SLC35F1: variants seen among roughly 807,000 people sequenced by gnomAD.
SLC35F1 encodes the protein solute carrier family 35 member F1.
Under a neutral mutation model 48.7 loss-of-function variants are expected in SLC35F1, and 14 were observed. The observed-to-expected ratio is 0.29, with a 90% CI of 0.19 to 0.45. The LOEUF is 0.45. Among genes scored for constraint, SLC35F1 ranks in the 20% least tolerant of loss-of-function variants. The pLI, the probability that SLC35F1 is intolerant of heterozygous loss-of-function variation, is 1.00. For missense variants in SLC35F1, 404 were observed against 500.0 expected, an observed-to-expected ratio of 0.81 and a Z score of 1.83; for synonymous variants, 190 against 202.2, an observed-to-expected ratio of 0.94 and a Z score of 0.51.
At position 117,964,370 on chromosome 6, in the gene SLC35F1, CA is replaced by C. The variant is rs1776534250; in HGVS notation, c.173+56473del. ...CAGTTTAAATTTTTACTCTCACATC[CA>C]ATTTAAAACTTCCTCTCTTCTCTAG... On this transcript the variant is annotated intron_variant, in intron 1 of 7. Transcript: ENST00000360388. 4.6e-5 allele frequency among the ~76,000 whole-genome samples: 7 copies of C among 152,204 alleles called. No individual in the cohort carries two copies. The South Asian group carries it at 1.4e-3, about 32-fold the overall frequency.
Position 118,209,371 on chromosome 6 carries a change from C to T in SLC35F1, c.350-26138C>T, listed in dbSNP as rs777056899. ...GGAAAGGTAGCACACCTTTCAGCAT[C>T]TACACTCTTCTTAAGTACTTGTTCT... On this transcript the variant is annotated intron_variant, in intron 2 of 7. Coordinates refer to ENST00000360388, the MANE Select transcript of SLC35F1 (RefSeq NM_001029858.4). Among the ~76,000 whole-genome samples, 12 of 152,348 alleles carry T rather than the reference C, an allele frequency of 7.9e-5. No homozygotes were observed. The South Asian group carries it at 1.2e-3, about 16-fold the overall frequency.
At chr6:118,059,819 G>C (rs62431218) in intron 1 of SLC35F1, among the ~76,000 whole-genome samples, 6,014 of 152,244 alleles carry the variant, frequency 0.04, 186 homozygotes, top group African/African-American at 0.08. Context: ...TTTGTAAACA[G>C]TCCTAATCAC....
intron 1 of SLC35F1, among the ~76,000 whole-genome samples, chr6:118,041,586 C>T (rs529684975): frequency 6.6e-6 from 1 of 152,176 alleles, no homozygotes; most frequent in South Asian, 2.1e-4. Context: ...CATCAAAATG[C>T]AATGTTTGGT....
chr6:117,921,101 C>G (rs1775893321), intron 1 of SLC35F1, among the ~76,000 whole-genome samples: 2 of 151,024 alleles, frequency 1.3e-5, no homozygotes, highest in African/African-American at 4.9e-5. Context: ...CTTACTTAGA[C>G]TGATAGGTAG....
At chr6:118,068,311 CCA>C (rs1248185121) in intron 1 of SLC35F1, among the ~76,000 whole-genome samples, 1 of 152,136 alleles carries the variant, frequency 6.6e-6, no homozygotes, top group Non-Finnish European at 1.5e-5. Context: ...CTAAAATTAA[CCA>C]CCACAAAGAA....
chr6:117,994,416 TATAACATAAC>T (rs1271584413), intron 1 of SLC35F1, among the ~76,000 whole-genome samples: 1 of 152,164 alleles, frequency 6.6e-6, no homozygotes, highest in East Asian at 1.9e-4. Context: ...CCTTTTGCCA[TATAACATAAC>T]ATATTCCAGG....
chr6:118,198,579 T>C (rs1774832580), intron 2 of SLC35F1, among the ~76,000 whole-genome samples: 1 of 152,244 alleles, frequency 6.6e-6, no homozygotes, highest in Admixed American at 6.5e-5. Flanking sequence ...GCATAATTTA[T>C]TTTAGAAAAA....
At chr6:118,223,327 A>G (rs1303581414) in intron 2 of SLC35F1, among the ~76,000 whole-genome samples, 1 of 152,208 alleles carries the variant, frequency 6.6e-6, no homozygotes, top group Non-Finnish European at 1.5e-5. Context: ...CAAAGCTATC[A>G]TTTACCAAGC....
intron 1 of SLC35F1, among the ~76,000 whole-genome samples, chr6:118,033,751 C>T (rs966763418): frequency 6.6e-6 from 1 of 151,980 alleles, no homozygotes; most frequent in Non-Finnish European, 1.5e-5. Context: ...AGGGGGAAGA[C>T]GTGCTAGGCT....
intron 1 of SLC35F1, among the ~76,000 whole-genome samples, chr6:118,047,720 A>G (rs9387545): frequency 0.29 from 44,778 of 152,054 alleles, 7,307 homozygotes; most frequent in East Asian, 0.48. Flanking sequence ...CTCTGGAAAT[A>G]ATAGCAATAC....
At chr6:118,110,447 G>T (rs58772909) in intron 1 of SLC35F1, among the ~76,000 whole-genome samples, 19,971 of 152,192 alleles carry the variant, frequency 0.13, 1,330 homozygotes, top group South Asian at 0.28. Context: ...GGGGAGTGCA[G>T]TCTCTGGGGA....
chr6:117,990,454 G>A (rs1308656468), intron 1 of SLC35F1, among the ~76,000 whole-genome samples: 1 of 152,100 alleles, frequency 6.6e-6, no homozygotes, highest in Non-Finnish European at 1.5e-5. Context: ...AAGTTACTAG[G>A]TAACTGAAGA....
intron 2 of SLC35F1, among the ~76,000 whole-genome samples, chr6:118,184,932 T>C (rs1405064923): frequency 6.6e-6 from 1 of 152,214 alleles, no homozygotes; most frequent in East Asian, 1.9e-4. Flanking sequence ...TCTGTGACTA[T>C]GGTCAGGGTC....
chr6:118,010,339 CAGTT>C (rs1314059999), intron 1 of SLC35F1, among the ~76,000 whole-genome samples: 1 of 152,126 alleles, frequency 6.6e-6, no homozygotes, highest in African/African-American at 2.4e-5. Context: ...TCTGTCTGCT[CAGTT>C]AGAGATGACC....
chr6:118,161,498 T>C (rs1774234127), intron 2 of SLC35F1, among the ~76,000 whole-genome samples: 1 of 152,162 alleles, frequency 6.6e-6, no homozygotes, highest in Non-Finnish European at 1.5e-5. Context: ...TTATAACTCC[T>C]TTGGGAGTCA....
At chr6:118,153,540 G>A (rs895804310) in intron 1 of SLC35F1, among the ~76,000 whole-genome samples, 1 of 152,106 alleles carries the variant, frequency 6.6e-6, no homozygotes, top group East Asian at 1.9e-4. Flanking sequence ...CTTTCAGGGA[G>A]GGCAGAAATC....
intron 3 of SLC35F1, among the ~76,000 whole-genome samples, chr6:118,245,780 G>A (rs1213873551): frequency 1.3e-5 from 2 of 152,166 alleles, no homozygotes; most frequent in Non-Finnish European, 2.9e-5. Context: ...CATCACTTAA[G>A]TTGTTCTCTG....
intron 2 of SLC35F1, among the ~76,000 whole-genome samples, chr6:118,169,369 C>G (rs1157528067): frequency 6.6e-6 from 1 of 152,194 alleles, no homozygotes; most frequent in Non-Finnish European, 1.5e-5. Flanking sequence ...TCCCATATAT[C>G]TATGCAGCCT....
intron 1 of SLC35F1, among the ~76,000 whole-genome samples, chr6:118,007,069 G>C (rs1777183762): frequency 6.7e-6 from 1 of 150,304 alleles, no homozygotes; most frequent in African/African-American, 2.4e-5. Context: ...ATTTTCTGTT[G>C]CTTATAACAA....
Sources: gnomAD v4.1 joint callset for allele counts (sites outside exome capture counted in the v4.1 genomes callset) on GRCh38, gnomAD v4.1.1 for gene constraint, MANE v1.5 for transcripts, NCBI Gene and HGNC (gene_info 2026-07-23, HGNC 2026-07-21) for gene names.